Variants in EXD3 observed in about 807,000 individuals in gnomAD.
EXD3 encodes the protein exonuclease 3'-5' domain containing 3.
A neutral mutation model predicts 98.0 loss-of-function variants in EXD3; 92 were observed. The observed-to-expected ratio is 0.94, with a 90% confidence interval of 0.79 to 1.12. EXD3 has a LOEUF of 1.12. Among genes scored for constraint, EXD3 ranks in the 50% most tolerant of loss-of-function variants. The pLI is 0.00. For synonymous variants in EXD3, 569 were observed against 526.0 expected, an observed-to-expected ratio of 1.08 and a Z score of -1.12; for missense variants, 1,222 against 1,191.6, an observed-to-expected ratio of 1.03 and a Z score of -0.38.
intron 17 of EXD3, among the ~76,000 whole-genome samples, chr9:137,331,793 G>A (rs944886611): frequency 1.3e-5 from 2 of 152,174 alleles, no homozygotes; most frequent in Non-Finnish European, 2.9e-5. Flanking sequence ...GTGCACGCCT[G>A]TAGTCCCAGC....
At chr9:137,307,707 C>CG (rs2119032816) in intron 20 of EXD3, 61 bp from the exon 21 acceptor site, 1 of 1,585,240 alleles carries the variant, frequency 6.3e-7, no homozygotes, top group South Asian at 1.1e-5. Flanking sequence ...TGGCAGCCAG[C>CG]GGGGTCCATG....
Position 137,349,172 on chromosome 9 carries a change from T to C in EXD3, c.1768A>G (p.Arg590Gly). Residue 590 changes from arginine to glycine, a missense_variant, in exon 16 of 22, where the codon AGA becomes GGA. Arg to Gly is a moderately radical substitution (Grantham distance 125). Coordinates refer to ENST00000340951, the MANE Select transcript of EXD3 (RefSeq NM_017820.5). The surrounding 1 kb of genome is among the most constrained non-coding windows in gnomAD (Gnocchi z 7.4). Reference protein sequence around the residue: ...AGSRRPRHRERPGARKPPGLQ... With the variant: ...AGSRRPRHREGPGARKPPGLQ... ...CCGGGTGGCTTCCGTGCCCCTGGTCTCTCTCTGTGCCTGGGCCTCCGGCTC... is the reference window on the plus strand; with the variant it reads ...CCGGGTGGCTTCCGTGCCCCTGGTCCCTCTCTGTGCCTGGGCCTCCGGCTC... 4 of 1,594,010 alleles carry C rather than the reference T, an allele frequency of 2.5e-6. No individual in the cohort carries two copies. Among genetic ancestry groups the C allele is most frequent in the Non-Finnish European group, 3.4e-6 (4 of 1,175,904 alleles).
intron 19 of EXD3, among the ~76,000 whole-genome samples, chr9:137,318,083 C>T (rs1010003245): frequency 6.6e-6 from 1 of 152,136 alleles, no homozygotes; most frequent in Non-Finnish European, 1.5e-5. Flanking sequence ...CAGGAATGGG[C>T]GGCACTGGGG....
rs993810404 is a variant in EXD3, at chr9:137,395,035, G to A, written c.55+268C>T. On this transcript the variant is annotated intron_variant, in intron 2 of 21. Transcript: ENST00000340951. The surrounding 1 kb of genome is among the most constrained non-coding windows in gnomAD (Gnocchi z 6.5). ...CTGCACTGTCCCCGCCACCTCCCCC[G>A]GATCCTGTCACAGGCCCGGCGCCAG... 6.6e-6 allele frequency among the ~76,000 whole-genome samples: 1 copy of A among 151,686 alleles called. No individual in the cohort carries two copies. The highest frequency in any genetic ancestry group is 1.5e-5 in the Non-Finnish European group (1 of 67,886).
At chr9:137,353,704 C>A in intron 10 of EXD3, 3 of 985,560 alleles carry the variant, frequency 3.0e-6, no homozygotes, top group Non-Finnish European at 3.6e-6. Flanking sequence ...GCGAGGGTCT[C>A]CCTCCCCGCA....
chr9:137,309,809 A>G, intron 19 of EXD3, 109 bp from the exon 20 acceptor site: 1 of 788,574 alleles, frequency 1.3e-6, no homozygotes, highest in Non-Finnish European at 2.1e-6. Flanking sequence ...GGGGTTTCAC[A>G]GAGACAGATA....
intron 19 of EXD3, among the ~76,000 whole-genome samples, chr9:137,313,456 G>A (rs1184082305): frequency 6.6e-6 from 1 of 152,166 alleles, no homozygotes; most frequent in Non-Finnish European, 1.5e-5. Context: ...TGGCCTGAGG[G>A]GTTTCTGCTC....
In EXD3 at chr9:137,420,158, T is replaced by TA. The variant is rs543938962; in HGVS notation, c.-48+2955dup. On this transcript the variant is annotated intron_variant, in intron 1 of 21. Coordinates refer to ENST00000340951, the MANE Select transcript of EXD3 (RefSeq NM_017820.5). ...CTGGGCGACAGAGGGAGACTCCGCCTAAAAAAAAAACAAAAAAAACCCCAG... is the reference window on the plus strand; with the variant it reads ...CTGGGCGACAGAGGGAGACTCCGCCTAAAAAAAAAAACAAAAAAAACCCCAG... Among the ~76,000 whole-genome samples the TA allele has an allele frequency of 4.8e-3, 694 of 144,296 alleles. 3 individuals are homozygous for TA. The highest frequency in any genetic ancestry group is 8.0e-3 in the African/African-American group (316 of 39,394). The allele number at this position is 144,296 out of a possible 152,430, so 94.7% of individuals were successfully genotyped here.
chr9:137,409,931 C>T (rs1205911436), intron 1 of EXD3, among the ~76,000 whole-genome samples: 2 of 152,086 alleles, frequency 1.3e-5, no homozygotes, highest in Non-Finnish European at 2.9e-5. Flanking sequence ...AATCCCAGCA[C>T]TTTAGGAGGC....
At chr9:137,319,171 C>G (rs1831887620) in intron 19 of EXD3, among the ~76,000 whole-genome samples, 1 of 152,248 alleles carries the variant, frequency 6.6e-6, no homozygotes, top group South Asian at 2.1e-4. Context: ...GAGGGCCGAT[C>G]TCTCCTGCTG....
chr9:137,361,952 C>A (rs1835015937), intron 7 of EXD3, among the ~76,000 whole-genome samples: 8 of 151,998 alleles, frequency 5.3e-5, no homozygotes, highest in Admixed American at 3.9e-4. Context: ...CTATTATGAA[C>A]AACTTTAAGC....
chr9:137,324,067 G>A lies in EXD3; in HGVS notation c.2052+23C>T, dbSNP rs1331116481. ...TGGGAAGATGGGGCTCAGGCCCACT[G>A]AGCTTATCTTTGGGACACTCACCTT... is the stretch of plus-strand genomic sequence containing the variant. On this transcript the variant is annotated intron_variant, in intron 18 of 21. Transcript: ENST00000340951. This position sits in a 1 kb window ranked among gnomAD's most constrained non-coding sequence, Gnocchi z 4.1. 5.7e-6 allele frequency: 9 copies of A among 1,576,990 alleles called. No homozygotes were observed. Among genetic ancestry groups the A allele is most frequent in the Non-Finnish European group, 7.7e-6 (9 of 1,162,026 alleles).
chr9:137,353,837 C>T lies in EXD3; in HGVS notation c.870+502G>A, dbSNP rs142696168. On this transcript the variant is annotated intron_variant, in intron 10 of 21. Transcript: ENST00000340951. ...CACGGCCTCGAGGAGGGTCCGCCTGCCCCGCTGGCTTCAGGCCCAGCAGCC... is the reference window on the plus strand; with the variant it reads ...CACGGCCTCGAGGAGGGTCCGCCTGTCCCGCTGGCTTCAGGCCCAGCAGCC... 5.9e-3 allele frequency: 5,827 copies of T among 986,670 alleles called. 21 individuals are homozygous for T. The highest frequency in any genetic ancestry group is 6.7e-3 in the Non-Finnish European group (5,538 of 830,828). 61.1% of individuals were successfully genotyped at this position (986,670 alleles called of 1,614,324 possible).
chr9:137,368,750 C>T (rs60076894), intron 5 of EXD3, among the ~76,000 whole-genome samples: 20,293 of 152,010 alleles, frequency 0.13, 2,064 homozygotes, highest in African/African-American at 0.25. Flanking sequence ...GGGCGCAGGG[C>T]CGGGGGCCTT....
At chr9:137,334,070 C>T (rs958806305) in intron 17 of EXD3, among the ~76,000 whole-genome samples, 4 of 152,000 alleles carry the variant, frequency 2.6e-5, no homozygotes, top group South Asian at 2.1e-4. Flanking sequence ...GGCGTGATCT[C>T]GGCTCACTGC....
chr9:137,370,419 C>T lies in EXD3; in HGVS notation c.463-2430G>A, dbSNP rs909119128. 1.4e-4 allele frequency among the ~76,000 whole-genome samples: 21 copies of T among 152,008 alleles called. No homozygotes were observed. In the Middle Eastern group the frequency reaches 0.01, roughly 74 times the overall value. Reference sequence around the variant, plus strand: ...CTGGACCCCGTGGGAGGAACGAGCCCGGGGCTGGGCCATGAGGACAGATGG... The same window carrying T: ...CTGGACCCCGTGGGAGGAACGAGCCTGGGGCTGGGCCATGAGGACAGATGG... On this transcript the variant is annotated intron_variant, in intron 5 of 21. Transcript: ENST00000340951.
At position 137,349,159 on chromosome 9, in the gene EXD3, C is replaced by A; in HGVS notation, c.1781G>T (p.Arg594Leu). 6.3e-7 allele frequency: 1 copy of A among 1,596,302 alleles called. No homozygotes were observed. The highest frequency in any genetic ancestry group is 8.5e-7 in the Non-Finnish European group (1 of 1,177,278). The part of the protein sequence containing the change: ...RPRHRERPGA[R>L]KPPGLQKASA... The stretch of plus-strand genomic sequence containing the variant: ...CGCTTTCTGCAGGCCGGGTGGCTTC[C>A]GTGCCCCTGGTCTCTCTCTGTGCCT... The change falls in exon 16 of 22, where the codon CGG becomes CTG. Residue 594 changes from arginine to leucine, a missense_variant. Physicochemically the swap from Arg to Leu is moderately radical, Grantham distance 102 (BLOSUM62 -2). Transcript: ENST00000340951. The surrounding 1 kb of genome is among the most constrained non-coding windows in gnomAD (Gnocchi z 7.4).
Position 137,349,563 on chromosome 9 carries a change from T to C in EXD3, c.1495-32A>G. 1 of 1,523,638 alleles carries C rather than the reference T, an allele frequency of 6.6e-7. No homozygotes were observed. Among genetic ancestry groups the C allele is most frequent in the Non-Finnish European group, 8.8e-7 (1 of 1,136,642 alleles). 94.4% of individuals were successfully genotyped at this position (1,523,638 alleles called of 1,614,324 possible). A position where few individuals can be genotyped will look rare whatever the true frequency, so the allele number is the denominator to read the frequency against. On this transcript the variant is annotated intron_variant, in intron 14 of 21. Coordinates refer to ENST00000340951, the MANE Select transcript of EXD3 (RefSeq NM_017820.5). The surrounding 1 kb of genome is among the most constrained non-coding windows in gnomAD (Gnocchi z 7.4). ...AGACAGTGCCCTGCAGGGTAACGCG[T>C]CTGGCCCTGGCGGCAGCACAGTCAC...
rs572272189 is a variant in EXD3 at position 137,352,849 on chromosome 9, C to T, written c.871-63G>A. The T allele has an allele frequency of 6.1e-4, 933 of 1,519,870 alleles. 1 individual carries two copies. The highest frequency in any genetic ancestry group is 6.8e-4 in the Non-Finnish European group (777 of 1,136,576). The allele number at this position is 1,519,870 out of a possible 1,614,324, so 94.1% of individuals were successfully genotyped here. On this transcript the variant is annotated intron_variant, in intron 10 of 21. Coordinates refer to ENST00000340951, the MANE Select transcript of EXD3 (RefSeq NM_017820.5). ...ATTGCTGTGCCACAGGGCCCTGCCC[C>T]GAGGGACCCCCGTAGACCCCGACCT...
Sources: gnomAD v4.1 joint callset for allele counts (sites outside exome capture counted in the v4.1 genomes callset) on GRCh38, gnomAD v4.1.1 for gene constraint, Gnocchi (gnomAD v3.1) non-coding constraint, MANE v1.5 for transcripts, NCBI Gene and HGNC (gene_info 2026-07-23, HGNC 2026-07-21) for gene names.